The following BSND variants were observed in gnomAD, a reference collection of about 807,000 sequenced individuals.
BSND encodes barttin CLCNK type accessory subunit beta, also known as barttin.
In BSND, 13 loss-of-function variants were observed where a neutral mutation model predicts 18.8. The ratio of observed to expected loss-of-function variants is 0.69; its 90% CI spans 0.45 to 1.10. The LOEUF (loss-of-function observed/expected upper bound fraction) is 1.10, where lower values mean the gene tolerates loss of function less well. Among genes scored for constraint, BSND ranks in the 50% least tolerant of loss-of-function variants. The probability of loss-of-function intolerance (pLI) is 0.00; values close to 1 mark genes in which losing one functional copy is unlikely to be tolerated. For missense variants in BSND, 379 were observed against 416.7 expected, an observed-to-expected ratio of 0.91 and a Z score of 0.79; for synonymous variants, 170 against 161.8, an observed-to-expected ratio of 1.05 and a Z score of -0.39.
rs145048739 is a variant in BSND, at chr1:54,999,250, G to C, written c.64G>C (p.Gly22Arg). ...IVLGLFLLAL[G>R]TFLMSHDRPQ... Reference sequence around the variant, plus strand: ...GCTGGGGCTTTTCCTGCTGGCCCTCGGTACGTTCCTCATGAGCCATGATCG... The same window carrying C: ...GCTGGGGCTTTTCCTGCTGGCCCTCCGTACGTTCCTCATGAGCCATGATCG... The change falls in exon 1 of 4, where the codon GGT (glycine) becomes CGT (arginine). Residue 22 changes from glycine (G) to arginine (R), a missense_variant. By Grantham distance (125) the Gly-to-Arg change is moderately radical. Coordinates refer to ENST00000651561, the MANE Select transcript of BSND (RefSeq NM_057176.3). 5.0e-6 allele frequency: 8 copies of C among 1,614,120 alleles called. No homozygotes were observed. The highest frequency in any genetic ancestry group is 3.3e-5 in the Admixed American group (2 of 60,022).
At chr1:54,999,774 G>A (rs1268327626) in intron 1 of BSND, among the ~76,000 whole-genome samples, 1 of 152,164 alleles carries the variant, frequency 6.6e-6, no homozygotes, top group Non-Finnish European at 1.5e-5. Flanking sequence ...GCCTTTCTGA[G>A]GTCCAGAAAG....
intron 1 of BSND, among the ~76,000 whole-genome samples, chr1:55,000,736 G>T (rs763870500): frequency 4.6e-5 from 7 of 152,236 alleles, no homozygotes; most frequent in African/African-American, 9.6e-5. Context: ...CAGTCAACTT[G>T]CCTCTGTCTG....
chr1:55,007,227 C>CA lies in BSND; in HGVS notation c.504dup (p.Asp169ArgfsTer4), dbSNP rs1644396135. On this transcript the variant is annotated frameshift_variant, in exon 3 of 4. Coordinates refer to ENST00000651561, the MANE Select transcript of BSND (RefSeq NM_057176.3). LOFTEE classifies it low-confidence loss of function (END_TRUNC). ...GCTGCCGTGGTCATCCACAAGGGCT[C>CA]AGACGAGAGTGAAGGGGAAAGACGC... 6.2e-7 allele frequency: 1 copy of CA among 1,613,044 alleles called. No individual in the cohort carries two copies. The highest frequency in any genetic ancestry group is 8.5e-7 in the Non-Finnish European group (1 of 1,179,164).
chr1:55,002,731 A>T (rs898118166), intron 1 of BSND, among the ~76,000 whole-genome samples: 1 of 152,140 alleles, frequency 6.6e-6, no homozygotes, highest in Non-Finnish European at 1.5e-5. Flanking sequence ...AAGGGTGGTG[A>T]TGATGATATG....
rs749600956 is a variant in BSND at position 55,007,133 on chromosome 1, G to C, written c.409G>C (p.Gly137Arg). The change falls in exon 3 of 4, where the codon GGG (glycine) becomes CGG (arginine). Residue 137 changes from glycine to arginine, a missense_variant. Coordinates refer to ENST00000651561, the MANE Select transcript of BSND (RefSeq NM_057176.3). ...CCGCTCCTTGCTGGCCCCTGAGATG[G>C]GGCAGCCGAAGCTGGGAACCAGTGA... ...DHRSLLAPEM[G>R]QPKLGTSDGG... 7.4e-6 allele frequency: 12 copies of C among 1,614,070 alleles called. No individual in the cohort carries two copies. Among genetic ancestry groups the C allele is most frequent in the South Asian group, 2.2e-5 (2 of 91,088 alleles).
rs907284938 is a variant in BSND, at chr1:55,008,578, G to T, written c.913G>T (p.Asp305Tyr). Residue 305 changes from aspartate (D) to tyrosine (Y), a missense_variant, in exon 4 of 4, where the codon GAC becomes TAC. Asp to Tyr is a radical substitution (Grantham distance 160). Coordinates refer to ENST00000651561, the MANE Select transcript of BSND (RefSeq NM_057176.3). ...LYYGLPDGAG[D>Y]LLPDKELGFE... ...CTATGGGCTGCCAGATGGAGCCGGGGACCTCCTCCCGGACAAGGAGCTGGG... is the reference window on the plus strand; with the variant it reads ...CTATGGGCTGCCAGATGGAGCCGGGTACCTCCTCCCGGACAAGGAGCTGGG... The T allele has an allele frequency of 6.2e-7, 1 of 1,614,060 alleles. No homozygotes were observed. The highest frequency in any genetic ancestry group is 8.5e-7 in the Non-Finnish European group (1 of 1,180,048).
In BSND at chr1:55,005,046, G is replaced by A; in HGVS notation, c.202G>A (p.Asp68Asn). 6.2e-7 allele frequency: 1 copy of A among 1,614,182 alleles called. No individual in the cohort carries two copies. The highest frequency in any genetic ancestry group is 8.5e-7 in the Non-Finnish European group (1 of 1,180,034). The change falls in exon 2 of 4, where the codon GAC (aspartate) becomes AAC (asparagine). Residue 68 changes from aspartate to asparagine, a missense_variant. Coordinates refer to ENST00000651561, the MANE Select transcript of BSND (RefSeq NM_057176.3). ...PKITFVPADSDFQGILSPKAM... is the reference protein window; with the variant it reads ...PKITFVPADSNFQGILSPKAM... ...GATCACCTTCGTCCCTGCTGACTCT[G>A]ACTTTCAAGGCATCCTCTCCCCAAA...
At chr1:55,004,944 G>T in intron 1 of BSND, 78 bp from the exon 2 acceptor site, 1 of 1,376,586 alleles carries the variant, frequency 7.3e-7, no homozygotes, top group East Asian at 2.3e-5. Flanking sequence ...TCATGGAGAG[G>T]TTTGCCAATT....
Position 55,011,352 on chromosome 1 carries a change from A to G in BSND, c.*2724A>G, listed in dbSNP as rs1464274654. The G allele has an allele frequency of 2.0e-5, 3 of 152,206 alleles. No individual in the cohort carries two copies. The highest frequency in any genetic ancestry group is 6.5e-5 in the Admixed American group (1 of 15,280). The allele number at this position is 152,206 out of a possible 1,614,324, so 9.4% of individuals were successfully genotyped here. A position where few individuals can be genotyped will look rare whatever the true frequency, so the allele number is the denominator to read the frequency against. ...GAAGATACCTCATTTGGATGATACA[A>G]TGTTACCTTACCTACTCTGTGACCT... On this transcript the variant is annotated 3_prime_UTR_variant, in exon 4 of 4. Coordinates refer to ENST00000651561, the MANE Select transcript of BSND (RefSeq NM_057176.3).
At position 55,008,578 on chromosome 1, in the gene BSND, G is replaced by A; in HGVS notation, c.913G>A (p.Asp305Asn). 1.2e-6 allele frequency: 2 copies of A among 1,614,178 alleles called. No individual in the cohort carries two copies. Among genetic ancestry groups the A allele is most frequent in the Non-Finnish European group, 1.7e-6 (2 of 1,180,040 alleles). The change falls in exon 4 of 4, where the codon GAC becomes AAC. Residue 305 changes from aspartate (D) to asparagine (N), a missense_variant. Asp to Asn is a conservative substitution (Grantham distance 23). Transcript: ENST00000651561. ...LYYGLPDGAG[D>N]LLPDKELGFE... ...CTATGGGCTGCCAGATGGAGCCGGG[G>A]ACCTCCTCCCGGACAAGGAGCTGGG...
rs760137091 is a variant in BSND, at chr1:55,015,519, G to A, written c.*6891G>A. The stretch of plus-strand genomic sequence containing the variant: ...TCTGCAGATAGTCCCTGCACATCCC[G>A]GAGAAGAGCAGACACGGTGTGGTGG... On this transcript the variant is annotated 3_prime_UTR_variant, in exon 4 of 4. Coordinates refer to ENST00000651561, the MANE Select transcript of BSND (RefSeq NM_057176.3). 1.1e-4 allele frequency among the ~76,000 whole-genome samples: 17 copies of A among 152,220 alleles called. No individual in the cohort carries two copies. The highest frequency in any genetic ancestry group is 4.1e-4 in the South Asian group (2 of 4,832).
chr1:55,003,479 A>G (rs1478552772), intron 1 of BSND, among the ~76,000 whole-genome samples: 1 of 152,164 alleles, frequency 6.6e-6, no homozygotes, highest in African/African-American at 2.4e-5. Flanking sequence ...ATCTAGAGAA[A>G]GCGCACTCCT....
In BSND at chr1:55,011,485, C is replaced by G. The variant is rs1293247019; in HGVS notation, c.*2857C>G. Reference sequence around the variant, plus strand: ...AAGTGATGGGGGTGTTTGATGGGACCTATCTTGTCAATGCCCTGCAGCCAA... The same window carrying G: ...AAGTGATGGGGGTGTTTGATGGGACGTATCTTGTCAATGCCCTGCAGCCAA... On this transcript the variant is annotated 3_prime_UTR_variant, in exon 4 of 4. Coordinates refer to ENST00000651561, the MANE Select transcript of BSND (RefSeq NM_057176.3). 47 of 152,172 alleles carry G rather than the reference C, an allele frequency of 3.1e-4. No homozygotes were observed. The highest frequency in any genetic ancestry group is 3.0e-3 in the Admixed American group (46 of 15,266). 9.4% of individuals were successfully genotyped at this position (152,172 alleles called of 1,614,324 possible).
At chr1:55,001,102 C>A (rs1644359125) in intron 1 of BSND, among the ~76,000 whole-genome samples, 1 of 152,180 alleles carries the variant, frequency 6.6e-6, no homozygotes, top group Non-Finnish European at 1.5e-5. Flanking sequence ...AGATTCAAAT[C>A]CCTGCTCCTT....
In BSND at chr1:55,008,881, A is replaced by G; in HGVS notation, c.*253A>G. On this transcript the variant is annotated 3_prime_UTR_variant, in exon 4 of 4. Coordinates refer to ENST00000651561, the MANE Select transcript of BSND (RefSeq NM_057176.3). ...ATTTGTTGAGGTTTGCAGCAGCTGA[A>G]GCCCTCAAAAGCATTTTCCACCTTC... 1 of 573,098 alleles carries G rather than the reference A, an allele frequency of 1.7e-6. No individual in the cohort carries two copies. Among genetic ancestry groups the G allele is most frequent in the Middle Eastern group, 4.9e-4 (1 of 2,056 alleles). The allele number at this position is 573,098 out of a possible 1,614,324, so 35.5% of individuals were successfully genotyped here. A position where few individuals can be genotyped will look rare whatever the true frequency, so the allele number is the denominator to read the frequency against.
rs1442038067 is a variant in BSND, at chr1:55,017,097, C to G, written c.*8469C>G. Among the ~76,000 whole-genome samples, 2 of 152,182 alleles carry G rather than the reference C, an allele frequency of 1.3e-5. No homozygotes were observed. Among genetic ancestry groups the G allele is most frequent in the Admixed American group, 1.3e-4 (2 of 15,284 alleles). On this transcript the variant is annotated 3_prime_UTR_variant, in exon 4 of 4. Coordinates refer to ENST00000651561, the MANE Select transcript of BSND (RefSeq NM_057176.3). ...CTCTGTGAAGGCAAGGACTCTATTA[C>G]GTTCATTATTGTGCCCTCAGTGCTT...
Position 55,008,815 on chromosome 1 carries a change from A to G in BSND, c.*187A>G, listed in dbSNP as rs1409917368. On this transcript the variant is annotated 3_prime_UTR_variant, in exon 4 of 4. Transcript: ENST00000651561. ...CTATTAGTGGACTCTTGTTTTTCCA[A>G]TAGTTAGTGGTCTTTGGCCAACCTT... 5.6e-6 allele frequency: 5 copies of G among 898,798 alleles called. No individual in the cohort carries two copies. The highest frequency in any genetic ancestry group is 8.5e-6 in the Non-Finnish European group (5 of 588,948). The allele number at this position is 898,798 out of a possible 1,614,324, so 55.7% of individuals were successfully genotyped here.
Position 55,015,882 on chromosome 1 carries a change from T to C in BSND, c.*7254T>C, listed in dbSNP as rs1644447621. Reference sequence around the variant, plus strand: ...TCAGAGAGGAACTCCCACCAAGCTATGTCCTGAAGGATTCGCTAGGGAAGA... The same window carrying C: ...TCAGAGAGGAACTCCCACCAAGCTACGTCCTGAAGGATTCGCTAGGGAAGA... On this transcript the variant is annotated 3_prime_UTR_variant, in exon 4 of 4. Coordinates refer to ENST00000651561, the MANE Select transcript of BSND (RefSeq NM_057176.3). 6.6e-6 allele frequency among the ~76,000 whole-genome samples: 1 copy of C among 152,186 alleles called. No individual in the cohort carries two copies. Among genetic ancestry groups the C allele is most frequent in the Non-Finnish European group, 1.5e-5 (1 of 68,022 alleles).
intron 1 of BSND, among the ~76,000 whole-genome samples, chr1:55,002,184 G>A (rs185383871): frequency 2.2e-4 from 33 of 152,346 alleles, no homozygotes; most frequent in African/African-American, 7.7e-4. Flanking sequence ...TAGAGTACCC[G>A]TTGTGGCTAG....
Sources: allele counts gnomAD v4.1 joint callset (sites outside exome capture counted in the v4.1 genomes callset), GRCh38; gene constraint gnomAD v4.1.1; transcripts MANE v1.5; gene names NCBI Gene and HGNC (gene_info 2026-07-23, HGNC 2026-07-21).